Variants in NRXN1 observed in about 807,000 individuals in gnomAD.
NRXN1 encodes neurexin-1.
Under a neutral mutation model 150.9 loss-of-function variants are expected in NRXN1, and 39 were observed. The ratio of observed to expected loss-of-function variants is 0.26; its 90% confidence interval spans 0.20 to 0.34. NRXN1 has a LOEUF of 0.34. Ranked by LOEUF, NRXN1 falls within the 10% of genes least tolerant of loss-of-function variation. The pLI is 1.00. For missense variants in NRXN1, 1,815 were observed against 1,949.9 expected (o/e 0.93, Z 1.30); for synonymous variants, 924 against 757.0 (o/e 1.22, Z -3.62).
intron 8 of NRXN1, among the ~76,000 whole-genome samples, chr2:50,584,731 T>C (rs890116533): frequency 2.0e-5 from 3 of 152,190 alleles, no homozygotes; most frequent in South Asian, 2.1e-4. Context: ...TCAGTATTGA[T>C]GCTGCCACTA....
intron 8 of NRXN1, among the ~76,000 whole-genome samples, chr2:50,557,593 C>T (rs1243957093): frequency 1.3e-5 from 2 of 152,008 alleles, no homozygotes; most frequent in African/African-American, 2.4e-5. Flanking sequence ...GAGTTTTATT[C>T]GTAAAGGACA....
chr2:49,928,327 C>G (rs1004150934), intron 22 of NRXN1, among the ~76,000 whole-genome samples: 1 of 151,424 alleles, frequency 6.6e-6, no homozygotes, highest in Non-Finnish European at 1.5e-5. Context: ...TCTGACCAGT[C>G]TTTCTGGTTT....
chr2:50,238,232 C>CA (rs1347625211), intron 17 of NRXN1, among the ~76,000 whole-genome samples: 1 of 151,752 alleles, frequency 6.6e-6, no homozygotes, highest in Non-Finnish European at 1.5e-5. Context: ...TGAATAGAAC[C>CA]AAAAAAGAAA....
chr2:50,080,896 A>C (rs374359762), intron 19 of NRXN1, among the ~76,000 whole-genome samples: 32 of 152,334 alleles, frequency 2.1e-4, no homozygotes, highest in African/African-American at 7.7e-4. Flanking sequence ...GTTTCTCCTC[A>C]TATGTTCATT....
At chr2:49,978,694 T>C (rs1268068401) in intron 21 of NRXN1, among the ~76,000 whole-genome samples, 1 of 49,812 alleles carries the variant, frequency 2.0e-5, no homozygotes, top group Non-Finnish European at 3.9e-5. Flanking sequence ...GAGATAGCCA[T>C]AAAAAGAAAA....
intron 21 of NRXN1, chr2:49,974,050 G>A (rs1678462847): frequency 1.4e-6 from 1 of 717,264 alleles, no homozygotes; most frequent in East Asian, 2.7e-5. Flanking sequence ...AATTCTTAAT[G>A]GAAATCCTAG....
intron 18 of NRXN1, among the ~76,000 whole-genome samples, chr2:50,104,241 G>T (rs187199078): frequency 6.6e-6 from 1 of 151,988 alleles, no homozygotes; most frequent in Non-Finnish European, 1.5e-5. Context: ...CTTCTGATTA[G>T]CAGAATTATT....
At chr2:50,827,323 T>C (rs1329989626) in intron 5 of NRXN1, among the ~76,000 whole-genome samples, 11 of 152,244 alleles carry the variant, frequency 7.2e-5, no homozygotes, top group Non-Finnish European at 1.3e-4. Flanking sequence ...GGTTATAATT[T>C]ATTGTTTCAT....
chr2:50,861,487 G>T (rs552848980), intron 5 of NRXN1, among the ~76,000 whole-genome samples: 1 of 152,246 alleles, frequency 6.6e-6, no homozygotes, highest in Admixed American at 6.5e-5. Context: ...CAAATCCTGA[G>T]CTAAAAATAA....
intron 17 of NRXN1, among the ~76,000 whole-genome samples, chr2:50,420,961 C>CGT (rs2083937391): frequency 2.6e-5 from 3 of 115,466 alleles, no homozygotes; most frequent in Non-Finnish European, 5.5e-5. Context: ...TCAAAATAGA[C>CGT]CTGTGTGTGT....
chr2:50,493,247 A>C (rs1404980536), intron 15 of NRXN1, among the ~76,000 whole-genome samples: 4 of 152,214 alleles, frequency 2.6e-5, no homozygotes, highest in African/African-American at 9.6e-5. Context: ...GTTCATGTAG[A>C]AGTTCTCCTT....
intron 19 of NRXN1, among the ~76,000 whole-genome samples, chr2:50,061,241 A>T (rs1252677825): frequency 1.3e-5 from 2 of 152,236 alleles, no homozygotes; most frequent in Non-Finnish European, 2.9e-5. Context: ...CCATTGTTCA[A>T]TATACATCTA....
intron 18 of NRXN1, among the ~76,000 whole-genome samples, chr2:50,170,122 CGTCAT>C (rs1559021057): frequency 1.3e-5 from 2 of 150,326 alleles, no homozygotes; most frequent in African/African-American, 5.0e-5. Flanking sequence ...ATTTATAATA[CGTCAT>C]ATTATAGATA....
At chr2:50,769,264 G>A (rs931401499) in intron 5 of NRXN1, among the ~76,000 whole-genome samples, 3 of 151,912 alleles carry the variant, frequency 2.0e-5, no homozygotes, top group African/African-American at 7.3e-5. Context: ...AGTTAAGCAA[G>A]AGCAAGCCAA....
chr2:49,921,784 G>T lies in NRXN1; in HGVS notation c.*160C>A. 2.7e-6 allele frequency: 2 copies of T among 738,340 alleles called. No individual in the cohort carries two copies. Among genetic ancestry groups the T allele is most frequent in the Non-Finnish European group, 4.3e-6 (2 of 468,104 alleles). 45.7% of individuals were successfully genotyped at this position (738,340 alleles called of 1,614,324 possible). A position where few individuals can be genotyped will look rare whatever the true frequency, so the allele number is the denominator to read the frequency against. ...TTTCTTTTTTGAGAAACAAGAGCAT[G>T]AGATACTTGTTTTTATTTTTTAAAA... On this transcript the variant is annotated 3_prime_UTR_variant, in exon 23 of 23. Transcript: ENST00000401669.
At chr2:50,059,333 C>G (rs1377728017) in intron 19 of NRXN1, among the ~76,000 whole-genome samples, 1 of 152,174 alleles carries the variant, frequency 6.6e-6, no homozygotes, top group African/African-American at 2.4e-5. Context: ...AAAGAAACTT[C>G]TAAGCAGCAA....
intron 21 of NRXN1, among the ~76,000 whole-genome samples, chr2:49,996,867 A>C (rs1166301543): frequency 1.3e-5 from 2 of 152,246 alleles, no homozygotes; most frequent in Non-Finnish European, 2.9e-5. Flanking sequence ...GCAACAGGAC[A>C]CAGATATAGA....
intron 17 of NRXN1, among the ~76,000 whole-genome samples, chr2:50,437,766 C>A (rs571295209): frequency 6.6e-6 from 1 of 152,102 alleles, no homozygotes; most frequent in South Asian, 2.1e-4. Flanking sequence ...AAATTACTGA[C>A]ATTTTGGTTA....
At chr2:50,153,332 GCA>G (rs1258916474) in intron 18 of NRXN1, among the ~76,000 whole-genome samples, 3 of 150,192 alleles carry the variant, frequency 2.0e-5, no homozygotes, top group African/African-American at 7.3e-5. Context: ...TTTTTCTCTG[GCA>G]CAGTTTCTAT....
Sources: gnomAD v4.1 joint callset for allele counts (sites outside exome capture counted in the v4.1 genomes callset) on GRCh38, gnomAD v4.1.1 for gene constraint, MANE v1.5 for transcripts, NCBI Gene and HGNC (gene_info 2026-07-23, HGNC 2026-07-21) for gene names.